The following IGSF5 variants were observed in gnomAD, a reference collection of about 807,000 sequenced individuals.
IGSF5 encodes immunoglobulin superfamily 5 like.
Under a neutral mutation model 39.4 loss-of-function variants are expected in IGSF5, and 41 were observed. The observed-to-expected ratio is 1.04, with a 90% confidence interval of 0.81 to 1.35. The LOEUF (loss-of-function observed/expected upper bound fraction) is 1.35, where lower values mean the gene tolerates loss of function less well. Among genes scored for constraint, IGSF5 ranks in the 40% most tolerant of loss-of-function variants. The pLI is 0.00. For synonymous variants in IGSF5, 183 were observed against 175.3 expected, an observed-to-expected ratio of 1.04 and a Z score of -0.34; for missense variants, 487 against 494.6, an observed-to-expected ratio of 0.98 and a Z score of 0.15.
chr21:39,795,019 A>G (rs1327403368), intron 8 of IGSF5, among the ~76,000 whole-genome samples: 4 of 152,112 alleles, frequency 2.6e-5, no homozygotes, highest in Admixed American at 2.6e-4. Context: ...TACTATTAAT[A>G]TTAGTGTCAA....
the IGSF5 span, among the ~76,000 whole-genome samples, chr21:39,712,677 C>T: frequency 1.3e-5 from 2 of 152,126 alleles, no homozygotes; most frequent in Non-Finnish European, 2.9e-5. Context: ...TGGGCCACTA[C>T]TGGAGTGAGC....
intron 8 of IGSF5, among the ~76,000 whole-genome samples, chr21:39,798,506 G>A (rs976464573): frequency 2.6e-5 from 4 of 152,132 alleles, no homozygotes; most frequent in African/African-American, 4.8e-5. Context: ...TATGGCGTTA[G>A]GAGGAGCAGC....
chr21:39,770,894 G>A, intron 3 of IGSF5, 22 bp from the exon 4 acceptor site: 8 of 1,449,622 alleles, frequency 5.5e-6, no homozygotes, highest in Non-Finnish European at 7.3e-6. Context: ...TCTTCAATGT[G>A]TTTCTCTCTT....
the IGSF5 span, among the ~76,000 whole-genome samples, chr21:39,735,304 G>A: frequency 1.3e-5 from 2 of 152,012 alleles, no homozygotes; most frequent in Non-Finnish European, 2.9e-5. Flanking sequence ...TATAATGACT[G>A]TGTATCACTT....
intron 2 of IGSF5, among the ~76,000 whole-genome samples, chr21:39,746,688 C>T (rs1235467): frequency 1.2e-4 from 2 of 16,654 alleles, no homozygotes; most frequent in African/African-American, 1.6e-4. Context: ...ACAGTTAACA[C>T]AGCTCACGGG....
At chr21:39,719,046 C>T in the IGSF5 span, among the ~76,000 whole-genome samples, 2 of 152,102 alleles carry the variant, frequency 1.3e-5, no homozygotes, top group African/African-American at 2.4e-5. Context: ...GGTCTGTTCC[C>T]GGAATCCATT....
At chr21:39,792,475 A>T (rs1241356404) in intron 7 of IGSF5, among the ~76,000 whole-genome samples, 2 of 152,196 alleles carry the variant, frequency 1.3e-5, no homozygotes, top group Admixed American at 6.5e-5. Context: ...ACATGTATAC[A>T]TATGTAACAA....
Position 39,792,390 on chromosome 21 carries a change from G to C in IGSF5, c.1048+291G>C, listed in dbSNP as rs558861664. ...ACTGGGGCCTGCCATAGGGTGGGGG[G>C]AAGGGGGAAGGATAGCATTAGGAGA... On this transcript the variant is annotated intron_variant, in intron 7 of 8. Coordinates refer to ENST00000380588, the MANE Select transcript of IGSF5 (RefSeq NM_001080444.2). Among the ~76,000 whole-genome samples the C allele has an allele frequency of 2.0e-5, 3 of 152,200 alleles. No individual in the cohort carries two copies. In the South Asian group the frequency reaches 6.2e-4, roughly 32 times the overall value.
chr21:39,731,798 C>T, the IGSF5 span, among the ~76,000 whole-genome samples: 1 of 152,140 alleles, frequency 6.6e-6, no homozygotes. Flanking sequence ...AAGAAGAGAA[C>T]CCAGTCAAAC....
chr21:39,754,719 G>C (rs2080021508), intron 2 of IGSF5, among the ~76,000 whole-genome samples: 4 of 152,166 alleles, frequency 2.6e-5, no homozygotes, highest in African/African-American at 9.7e-5. Context: ...ATAATGAAAT[G>C]AAAGACAAGT....
chr21:39,759,586 G>A (rs561954637), intron 2 of IGSF5, among the ~76,000 whole-genome samples: 4 of 152,280 alleles, frequency 2.6e-5, no homozygotes, highest in Admixed American at 6.5e-5. Flanking sequence ...GCTGAGGCAG[G>A]CTGGGTGTGG....
chr21:39,766,726 T>G (rs2080089343), intron 3 of IGSF5, among the ~76,000 whole-genome samples: 2 of 152,206 alleles, frequency 1.3e-5, no homozygotes, highest in South Asian at 4.1e-4. Flanking sequence ...TTACCAAAAT[T>G]TAATCACTTT....
the IGSF5 span, among the ~76,000 whole-genome samples, chr21:39,718,523 T>C: frequency 6.6e-6 from 1 of 152,232 alleles, no homozygotes; most frequent in Non-Finnish European, 1.5e-5. Context: ...GGTATATTCC[T>C]TCAATACCTC....
At chr21:39,719,276 A>G in the IGSF5 span, among the ~76,000 whole-genome samples, 1 of 152,180 alleles carries the variant, frequency 6.6e-6, no homozygotes, top group Non-Finnish European at 1.5e-5. Flanking sequence ...AGCTGGGGCT[A>G]CAGGTGTGTG....
intron 3 of IGSF5, among the ~76,000 whole-genome samples, chr21:39,766,061 C>T (rs1318591641): frequency 6.6e-6 from 1 of 152,162 alleles, no homozygotes; most frequent in Admixed American, 6.5e-5. Flanking sequence ...CTTCTTCTTC[C>T]CTTCTCCCCC....
chr21:39,732,847 G>A, the IGSF5 span, among the ~76,000 whole-genome samples: 1 of 152,014 alleles, frequency 6.6e-6, no homozygotes. Flanking sequence ...GTGACATGGT[G>A]AAACCCTGTC....
the IGSF5 span, among the ~76,000 whole-genome samples, chr21:39,739,042 C>A: frequency 6.6e-6 from 1 of 152,026 alleles, no homozygotes; most frequent in South Asian, 2.1e-4. Context: ...GAGCCCGCCA[C>A]CACGCCCAGC....
chr21:39,796,359 A>G lies in IGSF5; in HGVS notation c.1128+2746A>G, dbSNP rs372959997. ...CCTGCAGCCCTGCCAGGCCTATGTC[A>G]CCAGGTTCGTGCTGTGTGGGGTGAT... is the stretch of plus-strand genomic sequence containing the variant. On this transcript the variant is annotated intron_variant, in intron 8 of 8. Coordinates refer to ENST00000380588, the MANE Select transcript of IGSF5 (RefSeq NM_001080444.2). 2.7e-3 allele frequency among the ~76,000 whole-genome samples: 407 copies of G among 152,290 alleles called. 1 individual carries two copies. Among genetic ancestry groups the G allele is most frequent in the African/African-American group, 9.1e-3 (377 of 41,576 alleles).
intron 3 of IGSF5, among the ~76,000 whole-genome samples, chr21:39,767,717 T>C (rs779923640): frequency 2.6e-5 from 4 of 152,214 alleles, no homozygotes; most frequent in Non-Finnish European, 5.9e-5. Context: ...GAGTGGATAA[T>C]GCAAGTTGCA....
Sources: allele counts gnomAD v4.1 joint callset (sites outside exome capture counted in the v4.1 genomes callset), GRCh38; gene constraint gnomAD v4.1.1; transcripts MANE v1.5; gene names NCBI Gene and HGNC (gene_info 2026-07-23, HGNC 2026-07-21).